Variants in SLC38A6 observed in about 807,000 individuals in gnomAD.
The protein encoded by SLC38A6 is N system amino acid transporter NAT-1.
Under a neutral mutation model 65.0 loss-of-function variants are expected in SLC38A6, and 73 were observed. That is an observed-to-expected ratio of 1.12 (90% confidence interval 0.93 to 1.37). SLC38A6 has a LOEUF of 1.37. Among genes scored for constraint, SLC38A6 ranks in the 40% most tolerant of loss-of-function variants. The pLI is 0.00. For missense variants in SLC38A6, 561 were observed against 531.1 expected (o/e 1.06, Z -0.55); for synonymous variants, 183 against 178.8 (o/e 1.02, Z -0.19).
intron 3 of SLC38A6, among the ~76,000 whole-genome samples, chr14:61,010,622 C>A (rs1464033633): frequency 6.6e-6 from 1 of 152,182 alleles, no homozygotes; most frequent in Admixed American, 6.5e-5. Flanking sequence ...TTTCCCAGCA[C>A]CATTTATTAA....
At chr14:61,000,008 C>G (rs1011880655) in intron 3 of SLC38A6, among the ~76,000 whole-genome samples, 1 of 152,094 alleles carries the variant, frequency 6.6e-6, no homozygotes, top group African/African-American at 2.4e-5. Context: ...TAATATAATG[C>G]CATAACAATG....
At chr14:61,073,232 A>G (rs116837120) in intron 15 of SLC38A6, among the ~76,000 whole-genome samples, 3,170 of 152,196 alleles carry the variant, frequency 0.021, 116 homozygotes, top group African/African-American at 0.073. Context: ...TTGGATTATT[A>G]TATTTTTTCC....
intron 5 of SLC38A6, among the ~76,000 whole-genome samples, chr14:61,027,283 T>C (rs1041929286): frequency 2.6e-5 from 4 of 152,164 alleles, no homozygotes; most frequent in Non-Finnish European, 5.9e-5. Context: ...TCAAGGTATA[T>C]CTTCTGGCAC....
chr14:60,986,630 G>A (rs1323645447), intron 3 of SLC38A6, among the ~76,000 whole-genome samples: 1 of 152,192 alleles, frequency 6.6e-6, no homozygotes. Context: ...AGGAATAATA[G>A]CTTTAGATAA....
chr14:61,005,720 G>A (rs2039057512), intron 3 of SLC38A6, among the ~76,000 whole-genome samples: 1 of 152,128 alleles, frequency 6.6e-6, no homozygotes, highest in African/African-American at 2.4e-5. Context: ...ATGCTCATGG[G>A]TAGGAAGAAT....
chr14:61,055,106 CTTTTTTTTTTTCT>C, downstream of SLC38A6, among the ~76,000 whole-genome samples: 1 of 63,288 alleles, frequency 1.6e-5, no homozygotes, highest in Admixed American at 2.2e-4. Context: ...AAGTCTTTTT[CTTTTTTTTTTTCT>C]TTTTTTTTTT....
chr14:61,052,275 A>G, intron 15 of SLC38A6, 74 bp from the exon 16 acceptor site: 1 of 1,366,472 alleles, frequency 7.3e-7, no homozygotes, highest in Non-Finnish European at 9.9e-7. Flanking sequence ...AGATTTAACA[A>G]ATAATCCAAT....
chr14:60,984,548 A>G (rs1345313035), intron 2 of SLC38A6, among the ~76,000 whole-genome samples, 182 bp from the exon 3 acceptor site: 1 of 152,208 alleles, frequency 6.6e-6, no homozygotes, highest in East Asian at 1.9e-4. Context: ...TCATTTAAAT[A>G]AAATTGGTAA....
chr14:61,069,926 G>T (rs1379356092), intron 15 of SLC38A6, among the ~76,000 whole-genome samples: 1 of 152,036 alleles, frequency 6.6e-6, no homozygotes, highest in Non-Finnish European at 1.5e-5. Flanking sequence ...GAGAGAGAGA[G>T]AATACACAAA....
intron 15 of SLC38A6, among the ~76,000 whole-genome samples, chr14:61,068,890 CTT>C (rs757753708): frequency 6.6e-6 from 1 of 152,184 alleles, no homozygotes; most frequent in African/African-American, 2.4e-5. Flanking sequence ...TCCTTCTACT[CTT>C]TACCTCTAAT....
At chr14:61,022,909 C>T (rs1416168168) in intron 5 of SLC38A6, among the ~76,000 whole-genome samples, 1 of 152,148 alleles carries the variant, frequency 6.6e-6, no homozygotes, top group Admixed American at 6.5e-5. Context: ...TCAAACCTTG[C>T]TCAGTTGGCC....
intron 13 of SLC38A6, among the ~76,000 whole-genome samples, chr14:61,051,553 T>A (rs1427709104): frequency 6.6e-6 from 1 of 152,174 alleles, no homozygotes; most frequent in Non-Finnish European, 1.5e-5. Flanking sequence ...AAATTGCATG[T>A]GAAAACTTTT....
At chr14:60,983,881 A>G (rs2037261232) in intron 2 of SLC38A6, among the ~76,000 whole-genome samples, 2 of 152,216 alleles carry the variant, frequency 1.3e-5, no homozygotes, top group African/African-American at 2.4e-5. Context: ...AGTCATAGCA[A>G]CCATCATTTT....
rs576186273 is a variant in SLC38A6, at chr14:61,051,852, G to T, written c.1116G>T (p.Leu372Phe). Residue 372 changes from leucine to phenylalanine, a missense_variant, in exon 14 of 16, where the codon TTG becomes TTT. Transcript: ENST00000267488. The part of the protein sequence containing the change: ...NFPFSWIRHF[L>F]ITLALNIIIV... ...CATTCTCATGGATTCGCCATTTTTT[G>T]ATCACTCTAGCACTCAATATTATCA... 6.2e-6 allele frequency: 10 copies of T among 1,612,116 alleles called. No homozygotes were observed. In the African/African-American group the frequency reaches 6.7e-5, roughly 11 times the overall value.
At chr14:61,038,359 CTAAAGATAG>C (rs1343950435) in intron 8 of SLC38A6, among the ~76,000 whole-genome samples, 1 of 151,960 alleles carries the variant, frequency 6.6e-6, no homozygotes, top group Non-Finnish European at 1.5e-5. Flanking sequence ...TCTTAACATT[CTAAAGATAG>C]TACCTTTGTG....
At chr14:60,995,707 A>G (rs144262248) in intron 3 of SLC38A6, among the ~76,000 whole-genome samples, 1 of 152,284 alleles carries the variant, frequency 6.6e-6, no homozygotes, top group Non-Finnish European at 1.5e-5. Context: ...GACTCTAGTA[A>G]TCATTTCTCT....
intron 15 of SLC38A6, among the ~76,000 whole-genome samples, chr14:61,074,399 G>T (rs1328464545): frequency 2.0e-5 from 3 of 152,214 alleles, no homozygotes; most frequent in African/African-American, 7.2e-5. Context: ...AGAACATGGT[G>T]CTGGCTAGAA....
chr14:61,054,534 T>G (rs973317273), downstream of SLC38A6, among the ~76,000 whole-genome samples: 3 of 152,208 alleles, frequency 2.0e-5, no homozygotes, highest in African/African-American at 7.2e-5. Flanking sequence ...TTTGTTTGTG[T>G]CTTCTCTGAT....
At chr14:60,996,242 G>A (rs904531921) in intron 3 of SLC38A6, among the ~76,000 whole-genome samples, 1 of 151,770 alleles carries the variant, frequency 6.6e-6, no homozygotes, top group Non-Finnish European at 1.5e-5. Context: ...GAGGAAAAGA[G>A]GAAACAGACA....
Sources: gnomAD v4.1 joint callset for allele counts (sites outside exome capture counted in the v4.1 genomes callset) on GRCh38, gnomAD v4.1.1 for gene constraint, MANE v1.5 for transcripts, NCBI Gene and HGNC (gene_info 2026-07-23, HGNC 2026-07-21) for gene names.